CBFA2T3: variants seen among roughly 807,000 people sequenced by gnomAD.
The protein encoded by CBFA2T3 is transcriptional corepressor CBFA2T3.
In CBFA2T3, 31 loss-of-function variants were observed where a neutral mutation model predicts 58.6. The observed-to-expected ratio is 0.53, with a 90% CI of 0.40 to 0.71. CBFA2T3 has a LOEUF of 0.71. Among genes scored for constraint, CBFA2T3 ranks in the 30% least tolerant of loss-of-function variants. The pLI, the probability that CBFA2T3 is intolerant of heterozygous loss-of-function variation, is 0.00. For synonymous variants in CBFA2T3, 531 were observed against 421.9 expected (o/e 1.26, Z -3.17); for missense variants, 1,076 against 963.1 (o/e 1.12, Z -1.55).
intron 11 of CBFA2T3, among the ~76,000 whole-genome samples, chr16:88,878,410 G>T (rs911644754): frequency 6.6e-6 from 1 of 152,234 alleles, no homozygotes; most frequent in Non-Finnish European, 1.5e-5. Context: ...ATAGAGATCC[G>T]CCCTATCTCA....
rs375093204 is a variant in CBFA2T3, at chr16:88,885,080, G to T, written c.1083C>A (p.Asp361Glu). Residue 361 changes from aspartate to glutamate, a missense_variant, in exon 7 of 12, where the codon GAC becomes GAA. Coordinates refer to ENST00000268679, the MANE Select transcript of CBFA2T3 (RefSeq NM_005187.6). The surrounding 1 kb of genome is among the most constrained non-coding windows in gnomAD (Gnocchi z 5.3). Reference protein sequence around the residue: ...HHFRDAYRHPDPRELRERHRP... With the variant: ...HHFRDAYRHPEPRELRERHRP... ...GATGGCGCTCTCGTAGCTCCCGGGG[G>T]TCTGGGTGGCGGTAGGCATCTCGGA... 14 of 1,601,992 alleles carry T rather than the reference G, an allele frequency of 8.7e-6. No individual in the cohort carries two copies. The highest frequency in any genetic ancestry group is 1.1e-5 in the Non-Finnish European group (13 of 1,177,664).
At chr16:88,966,085 C>T (rs1308074709) in intron 1 of CBFA2T3, among the ~76,000 whole-genome samples, 3 of 152,206 alleles carry the variant, frequency 2.0e-5, no homozygotes, top group African/African-American at 7.2e-5. Flanking sequence ...ACCTCGCCTC[C>T]TCTCGTAGCT....
At chr16:88,951,449 T>C (rs1343060800) in intron 1 of CBFA2T3, 6 of 391,400 alleles carry the variant, frequency 1.5e-5, no homozygotes, top group South Asian at 7.4e-5. Context: ...TTCTGTTACC[T>C]GTATGTTTGA....
chr16:88,927,251 C>T (rs1318440523), intron 1 of CBFA2T3, among the ~76,000 whole-genome samples: 2 of 152,166 alleles, frequency 1.3e-5, no homozygotes, highest in East Asian at 1.9e-4. Flanking sequence ...AAGGCCAGGT[C>T]GACGTGACAA....
At chr16:88,884,953 T>G in intron 7 of CBFA2T3, 93 bp downstream of exon 7, 1 of 930,440 alleles carries the variant, frequency 1.1e-6, no homozygotes, top group South Asian at 1.7e-5. Context: ...CAGCTGCCCG[T>G]GGTGCCCTGT....
chr16:88,894,687 C>A (rs1221968738), intron 3 of CBFA2T3, among the ~76,000 whole-genome samples: 2 of 152,242 alleles, frequency 1.3e-5, no homozygotes, highest in Non-Finnish European at 2.9e-5. Flanking sequence ...GTGCCCCTCT[C>A]CAGGGGATCC....
chr16:88,925,643 T>A (rs1350211083), intron 1 of CBFA2T3, among the ~76,000 whole-genome samples: 1 of 152,142 alleles, frequency 6.6e-6, no homozygotes, highest in Non-Finnish European at 1.5e-5. Context: ...GAATGCTGCT[T>A]CTCCCTCCAG....
chr16:88,927,502 C>T (rs982137318), intron 1 of CBFA2T3, among the ~76,000 whole-genome samples: 1 of 152,218 alleles, frequency 6.6e-6, no homozygotes, highest in African/African-American at 2.4e-5. Flanking sequence ...CAGGGACCTC[C>T]CTGCAACCCT....
intron 1 of CBFA2T3, among the ~76,000 whole-genome samples, chr16:88,906,132 C>T (rs948110977): frequency 3.9e-5 from 6 of 152,106 alleles, no homozygotes; most frequent in Admixed American, 1.3e-4. Context: ...ATCCCTGCAC[C>T]CCCAAGCAGT....
At position 88,945,122 on chromosome 16, in the gene CBFA2T3, G is replaced by A. The variant is rs1299198039; in HGVS notation, c.151+31535C>T. On this transcript the variant is annotated intron_variant, in intron 1 of 11. Coordinates refer to ENST00000268679, the MANE Select transcript of CBFA2T3 (RefSeq NM_005187.6). ...GAAAGTCTGATACACTATAGGTATAGATATTTAAAAATAAGCGGGTGGCTA... is the reference window on the plus strand; with the variant it reads ...GAAAGTCTGATACACTATAGGTATAAATATTTAAAAATAAGCGGGTGGCTA... Among the ~76,000 whole-genome samples the A allele has an allele frequency of 2.0e-5, 3 of 152,222 alleles. No homozygotes were observed. The East Asian group carries it at 5.8e-4, about 29-fold the overall frequency.
intron 1 of CBFA2T3, among the ~76,000 whole-genome samples, chr16:88,965,759 A>G (rs1312836939): frequency 6.6e-6 from 1 of 152,252 alleles, no homozygotes; most frequent in Non-Finnish European, 1.5e-5. Flanking sequence ...GAAGCAGCAT[A>G]AGGTCTGTGT....
rs529072363 is a variant in CBFA2T3 at position 88,915,118 on chromosome 16, C to T, written c.152-13462G>A. Among the ~76,000 whole-genome samples, 616 of 150,800 alleles carry T rather than the reference C, an allele frequency of 4.1e-3. 4 individuals are homozygous for T. The highest frequency in any genetic ancestry group is 0.014 in the African/African-American group (592 of 40,988). On this transcript the variant is annotated intron_variant, in intron 1 of 11. Transcript: ENST00000268679. ...CTCTTGTCTCCATGCCCCCAAGCCA[C>T]CAAGGGAGGCAGCCGAATTGCAGAC...
chr16:88,881,373 G>A lies in CBFA2T3; in HGVS notation c.1320C>T (p.Asp440=), dbSNP rs771190748. Residue 440 remains aspartate (D), a synonymous_variant, in exon 9 of 12, where the codon GAC becomes GAT. Coordinates refer to ENST00000268679, the MANE Select transcript of CBFA2T3 (RefSeq NM_005187.6). ...CGGGGCCCTTCTTTGTGTCCTCGGC[G>A]TCGCTGTAGCGCCGCGCCCAGTGGT... ...ELNHWARRYS[D]AEDTKKGPAP... is the part of the protein sequence containing the mutation. The A allele has an allele frequency of 8.8e-6, 14 of 1,591,264 alleles. No individual in the cohort carries two copies. The highest frequency in any genetic ancestry group is 3.5e-5 in the Admixed American group (2 of 57,506).
intron 1 of CBFA2T3, among the ~76,000 whole-genome samples, chr16:88,952,530 C>T (rs1435963065): frequency 6.6e-6 from 1 of 152,170 alleles, no homozygotes; most frequent in Non-Finnish European, 1.5e-5. Flanking sequence ...AAATGCGGCC[C>T]TGCCACTCCC....
At chr16:88,934,408 G>A (rs1190077157) in intron 1 of CBFA2T3, among the ~76,000 whole-genome samples, 1 of 152,274 alleles carries the variant, frequency 6.6e-6, no homozygotes. Context: ...GCTGGACCCT[G>A]AAGGAGCAGC....
At chr16:88,941,862 G>T (rs1361471446) in intron 1 of CBFA2T3, 2 of 75,600 alleles carry the variant, frequency 2.6e-5, no homozygotes, top group South Asian at 5.4e-4. Flanking sequence ...GGGGGGTGTG[G>T]GGGGGGTGGG....
chr16:88,937,373 C>T (rs969469335), intron 1 of CBFA2T3: 1 of 152,486 alleles, frequency 6.6e-6, no homozygotes. Flanking sequence ...GCGGCCTGCA[C>T]CTCCCTAGCC....
At chr16:88,915,313 C>T (rs1373858130) in intron 1 of CBFA2T3, among the ~76,000 whole-genome samples, 1 of 125,528 alleles carries the variant, frequency 8.0e-6, no homozygotes, top group East Asian at 2.3e-4. Context: ...TGCTCTGGGT[C>T]TGCCTATCTG....
At chr16:88,911,256 G>A (rs1970521830) in intron 1 of CBFA2T3, among the ~76,000 whole-genome samples, 1 of 152,234 alleles carries the variant, frequency 6.6e-6, no homozygotes, top group Admixed American at 6.5e-5. Flanking sequence ...GATGACGATG[G>A]ACGGCACGGG....
Sources: gnomAD v4.1 joint callset for allele counts (sites outside exome capture counted in the v4.1 genomes callset) on GRCh38, gnomAD v4.1.1 for gene constraint, Gnocchi (gnomAD v3.1) non-coding constraint, MANE v1.5 for transcripts, NCBI Gene and HGNC (gene_info 2026-07-23, HGNC 2026-07-21) for gene names.